The following CELF2 variants were observed in gnomAD, a reference collection of about 807,000 sequenced individuals.
The protein encoded by CELF2 is CUG triplet repeat RNA-binding protein 2.
CELF2 carries 8 observed loss-of-function variants against 62.6 expected under a neutral mutation model. The observed-to-expected ratio is 0.13, with a 90% CI of 0.07 to 0.23. The LOEUF is 0.23. Ranked by LOEUF, CELF2 falls within the 10% of genes least tolerant of loss-of-function variation. The probability of loss-of-function intolerance (pLI) is 1.00; values close to 1 mark genes in which losing one functional copy is unlikely to be tolerated. For synonymous variants in CELF2, 258 were observed against 250.0 expected (o/e 1.03, Z -0.30); for missense variants, 333 against 671.0 (o/e 0.50, Z 5.56).
the CELF2 span, among the ~76,000 whole-genome samples, chr10:10,599,882 C>T: frequency 8.6e-5 from 13 of 152,018 alleles, no homozygotes; most frequent in African/African-American, 3.1e-4. Context: ...CAGGAGCCCG[C>T]CACCACACCC....
At chr10:10,750,153 G>T in the CELF2 span, among the ~76,000 whole-genome samples, 1 of 152,134 alleles carries the variant, frequency 6.6e-6, no homozygotes, top group African/African-American at 2.4e-5. Context: ...GTGATGGCAC[G>T]TGCCTATAAT....
At chr10:10,879,666 G>C (rs1295844215) in intron 1 of CELF2, among the ~76,000 whole-genome samples, 2 of 152,082 alleles carry the variant, frequency 1.3e-5, no homozygotes, top group Non-Finnish European at 2.9e-5. Flanking sequence ...CCTTTCTTCG[G>C]CCCAATCAAA....
the CELF2 span, among the ~76,000 whole-genome samples, chr10:10,631,704 T>A: frequency 6.6e-6 from 1 of 151,824 alleles, no homozygotes; most frequent in African/African-American, 2.4e-5. Flanking sequence ...GCATTTGACT[T>A]TGAGCTCCTT....
Position 11,314,282 on chromosome 10 carries a change from C to T in CELF2, c.1096+24C>T, listed in dbSNP as rs779768197. 1.2e-6 allele frequency: 2 copies of T among 1,614,162 alleles called. No individual in the cohort carries two copies. Among genetic ancestry groups the T allele is most frequent in the South Asian group, 2.2e-5 (2 of 91,082 alleles). ...AGGTACCATCAACAGTGAGTATTTG[C>T]TGCTCTGGTGGACAGCCTTCCCCCA... is the stretch of plus-strand genomic sequence containing the variant. On this transcript the variant is annotated intron_variant, in intron 10 of 12. Transcript: ENST00000633077. The surrounding 1 kb of genome is among the most constrained non-coding windows in gnomAD (Gnocchi z 5.3).
At position 11,247,206 on chromosome 10, in the gene CELF2, C is replaced by T. The variant is rs932636401; in HGVS notation, c.355-1947C>T. Among the ~76,000 whole-genome samples, 8 of 152,236 alleles carry T rather than the reference C, an allele frequency of 5.3e-5. No individual in the cohort carries two copies. The highest frequency in any genetic ancestry group is 1.9e-4 in the African/African-American group (8 of 41,452). On this transcript the variant is annotated intron_variant, in intron 3 of 12. Transcript: ENST00000633077. This position sits in a 1 kb window ranked among gnomAD's most constrained non-coding sequence, Gnocchi z 5.4. ...CCTTTGTTACTTCTTCTGTACCTGA[C>T]CACATACTTTCAGACAAAATTTCAG...
the CELF2 span, among the ~76,000 whole-genome samples, chr10:10,502,241 G>T: frequency 2.0e-5 from 3 of 151,770 alleles, no homozygotes; most frequent in Non-Finnish European, 2.9e-5. Flanking sequence ...ATGTTTGTTT[G>T]GTTTTGATAT....
rs1042203861 is a variant in CELF2 at position 10,995,087 on chromosome 10, C to A, written c.89+75088C>A. On this transcript the variant is annotated intron_variant, in intron 2 of 13. Transcript: ENST00000636488. The surrounding 1 kb of genome is among the most constrained non-coding windows in gnomAD (Gnocchi z 4.7). ...CCACAGCATTAGACACTGCATTATT[C>A]TTTGTTTCCCAAATTAAGCTGTGTC... Among the ~76,000 whole-genome samples, 3 of 152,152 alleles carry A rather than the reference C, an allele frequency of 2.0e-5. No individual in the cohort carries two copies. The highest frequency in any genetic ancestry group is 7.2e-5 in the African/African-American group (3 of 41,438).
At chr10:11,066,368 CT>C (rs1564593566) in intron 1 of CELF2, among the ~76,000 whole-genome samples, 1 of 151,948 alleles carries the variant, frequency 6.6e-6, no homozygotes, top group African/African-American at 2.4e-5. Context: ...TTGATTAACC[CT>C]GTGACCCTTC....
At chr10:11,256,936 G>A (rs1413971961) in intron 4 of CELF2, among the ~76,000 whole-genome samples, 1 of 151,924 alleles carries the variant, frequency 6.6e-6, no homozygotes, top group African/African-American at 2.4e-5. Context: ...GGCTAGTACA[G>A]TATTGTTTCC....
chr10:10,939,186 TGATAATTAGCAAGTTATCAG>T (rs2046751151), intron 2 of CELF2, among the ~76,000 whole-genome samples: 40 of 129,476 alleles, frequency 3.1e-4, no homozygotes, highest in Middle Eastern at 3.9e-3. Context: ...CTGTAGTGCT[TGATAATTAGCAAGTTATCAG>T]TGTGGCCGCT....
At chr10:10,489,314 C>A in the CELF2 span, among the ~76,000 whole-genome samples, 1 of 152,186 alleles carries the variant, frequency 6.6e-6, no homozygotes, top group East Asian at 1.9e-4. Flanking sequence ...GGACAAACAG[C>A]CCTGGGATTT....
chr10:10,754,066 T>G, the CELF2 span, among the ~76,000 whole-genome samples: 2 of 149,536 alleles, frequency 1.3e-5, no homozygotes, highest in Non-Finnish European at 1.5e-5. Context: ...AGGTGGTTTT[T>G]TTTTTTTTTT....
At chr10:11,265,547 A>G (rs1181110512) in intron 5 of CELF2, among the ~76,000 whole-genome samples, 1 of 152,246 alleles carries the variant, frequency 6.6e-6, no homozygotes, top group Non-Finnish European at 1.5e-5. Context: ...TTATAATATC[A>G]GCCTGAATCT....
intron 1 of CELF2, among the ~76,000 whole-genome samples, chr10:11,071,233 C>T (rs773680366): frequency 2.0e-5 from 3 of 152,204 alleles, no homozygotes; most frequent in Non-Finnish European, 4.4e-5. Context: ...TTGCAGCAAG[C>T]CTCCAGCTAG....
chr10:11,047,075 C>G (rs2062989815), intron 1 of CELF2, among the ~76,000 whole-genome samples: 1 of 152,116 alleles, frequency 6.6e-6, no homozygotes, highest in African/African-American at 2.4e-5. Context: ...CCTTTAAACT[C>G]TTCCTATTTA....
chr10:10,531,968 GA>G, the CELF2 span, among the ~76,000 whole-genome samples: 59 of 152,240 alleles, frequency 3.9e-4, no homozygotes, highest in African/African-American at 1.3e-3. Context: ...TACCTTACGA[GA>G]AAAACAATAA....
the CELF2 span, among the ~76,000 whole-genome samples, chr10:10,783,671 T>A: frequency 6.6e-6 from 1 of 152,038 alleles, no homozygotes; most frequent in East Asian, 1.9e-4. Flanking sequence ...CAAGCAGGAG[T>A]GCTCTCAAAC....
chr10:11,234,425 A>G (rs1277005018), intron 3 of CELF2, among the ~76,000 whole-genome samples: 5 of 152,170 alleles, frequency 3.3e-5, no homozygotes, highest in African/African-American at 1.2e-4. Flanking sequence ...GCTCACGCCT[A>G]TAATCCCAGG....
At chr10:10,485,321 C>T in the CELF2 span, among the ~76,000 whole-genome samples, 3 of 152,194 alleles carry the variant, frequency 2.0e-5, no homozygotes, top group Admixed American at 1.3e-4. Flanking sequence ...TCAACAGATG[C>T]TCTTCTCTAA....
Sources: allele counts gnomAD v4.1 joint callset (sites outside exome capture counted in the v4.1 genomes callset), GRCh38; gene constraint gnomAD v4.1.1; non-coding constraint Gnocchi (gnomAD v3.1); transcripts MANE v1.5; gene names NCBI Gene and HGNC (gene_info 2026-07-23, HGNC 2026-07-21).